FARP1: variants seen among roughly 807,000 people sequenced by gnomAD.
The protein encoded by FARP1 is FERM, ARH/RhoGEF and pleckstrin domain protein 1.
FARP1 carries 52 observed loss-of-function variants against 128.8 expected under a neutral mutation model. That is an observed-to-expected ratio of 0.40 (90% confidence interval 0.32 to 0.51). The LOEUF is 0.51. Ranked by LOEUF, FARP1 falls within the 20% of genes least tolerant of loss-of-function variation. The probability of loss-of-function intolerance (pLI) is 0.45; values close to 1 mark genes in which losing one functional copy is unlikely to be tolerated. For missense variants in FARP1, 1,333 were observed against 1,367.9 expected (o/e 0.97, Z 0.40); for synonymous variants, 580 against 551.8 (o/e 1.05, Z -0.72).
rs1266114476 is a variant in FARP1 at position 98,365,583 on chromosome 13, G to A, written c.319+146G>A. 5 of 532,852 alleles carry A rather than the reference G, an allele frequency of 9.4e-6. No individual in the cohort carries two copies. In the East Asian group the frequency reaches 1.1e-4, roughly 12 times the overall value. The allele number at this position is 532,852 out of a possible 1,614,324, so 33.0% of individuals were successfully genotyped here. A position where few individuals can be genotyped will look rare whatever the true frequency, so the allele number is the denominator to read the frequency against. ...TGCTTTTCATCATCGACTAATCCGT[G>A]TACTATTAAAATGTGTGTCTTCTGC... On this transcript the variant is annotated intron_variant, in intron 4 of 26. Coordinates refer to ENST00000319562, the MANE Select transcript of FARP1 (RefSeq NM_005766.4).
chr13:98,311,406 C>T (rs1372954825), intron 2 of FARP1, among the ~76,000 whole-genome samples: 3 of 152,206 alleles, frequency 2.0e-5, no homozygotes, highest in Non-Finnish European at 2.9e-5. Flanking sequence ...CCTCTCCCAC[C>T]TCCAGCCCTG....
At chr13:98,403,565 A>G (rs4517645) in intron 13 of FARP1, 86,845 of 152,090 alleles carry the variant, frequency 0.57, 26,305 homozygotes, top group Non-Finnish European at 0.69. Context: ...GGAATGTAGA[A>G]AAGGCCTCAC....
intron 17 of FARP1, among the ~76,000 whole-genome samples, chr13:98,430,076 TAAAA>T (rs1234838637): frequency 6.6e-6 from 1 of 151,832 alleles, no homozygotes; most frequent in Non-Finnish European, 1.5e-5. Flanking sequence ...ACCCTGTCTC[TAAAA>T]ATAAATAAAT....
chr13:98,390,250 G>A (rs1419160404), intron 10 of FARP1, 130 bp downstream of exon 10: 6 of 985,694 alleles, frequency 6.1e-6, no homozygotes, highest in African/African-American at 4.9e-5. Flanking sequence ...GGCCAAGCGG[G>A]GGCGCTTGTA....
intron 2 of FARP1, among the ~76,000 whole-genome samples, chr13:98,301,586 T>G (rs766184444): frequency 3.3e-5 from 5 of 152,162 alleles, no homozygotes; most frequent in Non-Finnish European, 5.9e-5. Context: ...GGGACTTGGA[T>G]TGTTGAAAGC....
At chr13:98,328,118 G>A (rs1162686479) in intron 2 of FARP1, 1 of 152,224 alleles carries the variant, frequency 6.6e-6, no homozygotes, top group Non-Finnish European at 1.5e-5. Context: ...CAGGCTGGTG[G>A]AATGCTGGTT....
At chr13:98,334,454 C>A (rs772684634) in intron 2 of FARP1, 1 of 147,162 alleles carries the variant, frequency 6.8e-6, no homozygotes, top group African/African-American at 2.6e-5. Context: ...TTCACCATCA[C>A]GGTGGCAGCA....
intron 2 of FARP1, among the ~76,000 whole-genome samples, chr13:98,237,970 A>C (rs1405553257): frequency 6.6e-6 from 1 of 151,284 alleles, no homozygotes; most frequent in African/African-American, 2.4e-5. Flanking sequence ...GCTTGCTCTA[A>C]GAAAGTCATA....
rs142077219 is a variant in FARP1 at position 98,217,223 on chromosome 13, A to G, written c.171+3810A>G. Among the ~76,000 whole-genome samples the G allele has an allele frequency of 4.0e-3, 604 of 152,196 alleles. 1 individual carries two copies. The highest frequency in any genetic ancestry group is 0.013 in the African/African-American group (549 of 41,474). On this transcript the variant is annotated intron_variant, in intron 2 of 26. Transcript: ENST00000319562. ...AGAGCAGAGGAAATAAGACACAGCC[A>G]TTTTTATTTTTTATTTTTATTTTTA...
chr13:98,346,883 A>G (rs7991604), intron 3 of FARP1, among the ~76,000 whole-genome samples: 16,189 of 152,248 alleles, frequency 0.11, 1,120 homozygotes, highest in African/African-American at 0.19. Flanking sequence ...CGTGGATACA[A>G]TCAGTTTGTA....
At chr13:98,336,093 T>A (rs1887729797) in intron 2 of FARP1, among the ~76,000 whole-genome samples, 1 of 152,132 alleles carries the variant, frequency 6.6e-6, no homozygotes, top group Admixed American at 6.5e-5. Context: ...TTTAGATGAT[T>A]TAATGTGGTA....
chr13:98,254,811 A>G (rs1351077438), intron 2 of FARP1, among the ~76,000 whole-genome samples: 1 of 152,230 alleles, frequency 6.6e-6, no homozygotes, highest in Non-Finnish European at 1.5e-5. Context: ...AGTATAACCA[A>G]TGGCAGTGGG....
intron 3 of FARP1, among the ~76,000 whole-genome samples, chr13:98,361,038 G>A (rs1428420323): frequency 2.0e-5 from 3 of 152,198 alleles, no homozygotes; most frequent in African/African-American, 2.4e-5. Context: ...GTCCAGCTCC[G>A]CTCGCCTCCC....
chr13:98,288,388 C>T (rs887498641), intron 2 of FARP1, among the ~76,000 whole-genome samples: 20 of 152,176 alleles, frequency 1.3e-4, no homozygotes, highest in African/African-American at 4.1e-4. Context: ...TCCACGCTCC[C>T]GCCCCATGTC....
chr13:98,218,034 C>T (rs1384452675), intron 2 of FARP1, among the ~76,000 whole-genome samples: 1 of 152,106 alleles, frequency 6.6e-6, no homozygotes, highest in Non-Finnish European at 1.5e-5. Flanking sequence ...ATCTTCTGGG[C>T]ACTAAGAGCC....
chr13:98,411,856 T>G, intron 15 of FARP1, 45 bp from the exon 16 acceptor site: 1 of 1,603,036 alleles, frequency 6.2e-7, no homozygotes, highest in Middle Eastern at 1.7e-4. Flanking sequence ...CAGACACTCG[T>G]CATTGATCTT....
At chr13:98,189,891 A>G (rs1879113529) in intron 1 of FARP1, among the ~76,000 whole-genome samples, 1 of 152,234 alleles carries the variant, frequency 6.6e-6, no homozygotes. Flanking sequence ...GAAAAACTTA[A>G]TTAAAAATTA....
chr13:98,331,596 A>G (rs1887511681), intron 2 of FARP1, among the ~76,000 whole-genome samples: 1 of 152,246 alleles, frequency 6.6e-6, no homozygotes, highest in African/African-American at 2.4e-5. Flanking sequence ...TTCAACTAAA[A>G]ATGAAGCAAG....
At chr13:98,160,543 A>T (rs1427151780) in intron 1 of FARP1, among the ~76,000 whole-genome samples, 1 of 152,232 alleles carries the variant, frequency 6.6e-6, no homozygotes, top group Non-Finnish European at 1.5e-5. Context: ...CATTGTAGAA[A>T]CATGGAAAGT....
Sources: allele counts gnomAD v4.1 joint callset (sites outside exome capture counted in the v4.1 genomes callset), GRCh38; gene constraint gnomAD v4.1.1; transcripts MANE v1.5; gene names NCBI Gene and HGNC (gene_info 2026-07-23, HGNC 2026-07-21).